CFAP52: variants seen among roughly 807,000 people sequenced by gnomAD.
CFAP52 encodes cilia- and flagella-associated protein 52.
In CFAP52, 57 loss-of-function variants were observed where a neutral mutation model predicts 70.5. That is an observed-to-expected ratio of 0.81 (90% CI 0.65 to 1.01). CFAP52 has a LOEUF of 1.01. CFAP52 is among the 50% of genes least tolerant of loss of function. The pLI is 0.00. For missense variants in CFAP52, 785 were observed against 788.5 expected (o/e 1.00, Z 0.05); for synonymous variants, 267 against 292.5 (o/e 0.91, Z 0.89).
At chr17:9,627,628 G>A (rs375991904) in intron 8 of CFAP52, among the ~76,000 whole-genome samples, 7 of 152,118 alleles carry the variant, frequency 4.6e-5, no homozygotes, top group East Asian at 1.9e-4. Context: ...TATAGGTGTC[G>A]ACTTATCTTC....
downstream of CFAP52, among the ~76,000 whole-genome samples, chr17:9,644,496 T>A (rs1459600077): frequency 6.6e-6 from 1 of 151,834 alleles, no homozygotes; most frequent in East Asian, 1.9e-4. Context: ...ATGGTGCTGA[T>A]CTCTTCCTGA....
intron 4 of CFAP52, among the ~76,000 whole-genome samples, chr17:9,596,118 GAGAC>G (rs1477292215): frequency 1.4e-5 from 2 of 143,726 alleles, no homozygotes; most frequent in African/African-American, 5.1e-5. Context: ...CATATAGAGA[GAGAC>G]AGACTCTCAC....
Position 9,641,657 on chromosome 17 carries a change from T to C in CFAP52, c.1576-67T>C, listed in dbSNP as rs1391534255. 2.4e-5 allele frequency: 28 copies of C among 1,155,172 alleles called. No individual in the cohort carries two copies. In the Admixed American group the frequency reaches 4.8e-4, roughly 20 times the overall value. 71.6% of individuals were successfully genotyped at this position (1,155,172 alleles called of 1,614,324 possible). A position where few individuals can be genotyped will look rare whatever the true frequency, so the allele number is the denominator to read the frequency against. ...TTCTATATAAAGTAGAGCCATCTTT[T>C]GTTAGCATGTGCATGGATGACTCTC... On this transcript the variant is annotated intron_variant, in intron 12 of 13. Coordinates refer to ENST00000352665, the MANE Select transcript of CFAP52 (RefSeq NM_145054.5).
downstream of CFAP52, chr17:9,645,403 C>G (rs1186604289): frequency 3.5e-6 from 1 of 282,526 alleles, no homozygotes; most frequent in Admixed American, 5.3e-5. This position sits in a 1 kb window ranked among gnomAD's most constrained non-coding sequence, Gnocchi z 6.8. Context: ...GGGGCGGCAC[C>G]AGGCAGGGGT....
chr17:9,600,230 T>G (rs556615512), intron 6 of CFAP52, 47 bp downstream of exon 6: 1 of 1,488,188 alleles, frequency 6.7e-7, no homozygotes, highest in Admixed American at 1.7e-5. Context: ...CTCCCTTCAC[T>G]GGCAGCATGT....
Position 9,594,754 on chromosome 17 carries a change from C to T in CFAP52, c.536+433C>T, listed in dbSNP as rs77186622. Among the ~76,000 whole-genome samples, 252 of 152,262 alleles carry T rather than the reference C, an allele frequency of 1.7e-3. 2 individuals carry two copies. Among genetic ancestry groups the T allele is most frequent in the African/African-American group, 5.6e-3 (232 of 41,558 alleles). On this transcript the variant is annotated intron_variant, in intron 4 of 13. Transcript: ENST00000352665. ...GACTGTTAGCCATGTAAAATAATTA[C>T]GGGCAGGATCAGCTTTAACCAGCTA...
chr17:9,606,576 T>A (rs1015605809), intron 6 of CFAP52, among the ~76,000 whole-genome samples: 4 of 152,234 alleles, frequency 2.6e-5, no homozygotes, highest in African/African-American at 9.6e-5. Flanking sequence ...ACATTGGAAA[T>A]CTCCTGGCTT....
intron 8 of CFAP52, 104 bp from the exon 9 acceptor site, chr17:9,628,568 C>A: frequency 1.4e-6 from 2 of 1,462,560 alleles, no homozygotes; most frequent in Non-Finnish European, 1.8e-6. Flanking sequence ...TGAGCCACCG[C>A]GCCCAGCCTT....
chr17:9,592,363 G>A (rs2151931811), intron 3 of CFAP52, among the ~76,000 whole-genome samples: 1 of 152,260 alleles, frequency 6.6e-6, no homozygotes, highest in Admixed American at 6.5e-5. Context: ...CAGCTACTAG[G>A]GAGGCTGAGG....
chr17:9,612,609 G>A (rs1909758973), intron 8 of CFAP52, 130 bp downstream of exon 8: 1 of 1,069,284 alleles, frequency 9.4e-7, no homozygotes, highest in African/African-American at 1.6e-5. Context: ...CTAACGTGGT[G>A]AATTATTTTA....
chr17:9,600,382 C>T (rs1909214736), intron 6 of CFAP52, among the ~76,000 whole-genome samples, 199 bp downstream of exon 6: 1 of 152,046 alleles, frequency 6.6e-6, no homozygotes, highest in Admixed American at 6.6e-5. Context: ...GCTGGGACTA[C>T]AGGTGTGCCC....
chr17:9,616,176 G>A (rs1438950113), intron 8 of CFAP52, among the ~76,000 whole-genome samples: 1 of 151,326 alleles, frequency 6.6e-6, no homozygotes, highest in African/African-American at 2.4e-5. Context: ...TCGAGGCATT[G>A]CCTCACCTGG....
intron 13 of CFAP52, among the ~76,000 whole-genome samples, chr17:9,642,093 A>AT (rs1331920312): frequency 6.6e-6 from 1 of 152,188 alleles, no homozygotes; most frequent in African/African-American, 2.4e-5. Flanking sequence ...TAGGCTTGCT[A>AT]TTTTTGGTGG....
At chr17:9,578,825 C>T (rs1908083828) in intron 1 of CFAP52, among the ~76,000 whole-genome samples, 1 of 152,218 alleles carries the variant, frequency 6.6e-6, no homozygotes, top group Non-Finnish European at 1.5e-5. Flanking sequence ...GGATTACAGG[C>T]TTGAGCCACC....
intron 13 of CFAP52, among the ~76,000 whole-genome samples, chr17:9,642,045 G>A (rs74941929): frequency 0.013 from 1,980 of 152,266 alleles, 50 homozygotes; most frequent in African/African-American, 0.045. Context: ...TTGCACAAGA[G>A]CCTTAAGAGC....
chr17:9,641,983 A>G (rs985315882), intron 13 of CFAP52, 148 bp downstream of exon 13: 2 of 577,642 alleles, frequency 3.5e-6, no homozygotes, highest in South Asian at 2.4e-5. Flanking sequence ...ACTGCAGCCA[A>G]TGTGGCTGAG....
At chr17:9,622,449 G>A (rs534896527) in intron 8 of CFAP52, among the ~76,000 whole-genome samples, 5 of 152,010 alleles carry the variant, frequency 3.3e-5, no homozygotes, top group Admixed American at 6.6e-5. Context: ...CCAGCTACTC[G>A]GGAGGCTAAG....
At chr17:9,628,522 C>G (rs1186418069) in intron 8 of CFAP52, 150 bp from the exon 9 acceptor site, 2 of 978,810 alleles carry the variant, frequency 2.0e-6, no homozygotes, top group Non-Finnish European at 1.5e-6. Flanking sequence ...TCGTGATCCA[C>G]CCCCCTGGCC....
At chr17:9,629,211 TTTA>T (rs1281127713) in intron 9 of CFAP52, among the ~76,000 whole-genome samples, 1 of 152,232 alleles carries the variant, frequency 6.6e-6, no homozygotes, top group Non-Finnish European at 1.5e-5. Context: ...TTTAACTCAA[TTTA>T]TTATTTTATG....
Sources: gnomAD v4.1 joint callset for allele counts (sites outside exome capture counted in the v4.1 genomes callset) on GRCh38, gnomAD v4.1.1 for gene constraint, Gnocchi (gnomAD v3.1) non-coding constraint, MANE v1.5 for transcripts, NCBI Gene and HGNC (gene_info 2026-07-23, HGNC 2026-07-21) for gene names.